The following MSRA variants were observed in gnomAD, a reference collection of about 807,000 sequenced individuals.
MSRA encodes the protein mitochondrial peptide methionine sulfoxide reductase.
In MSRA, 54 loss-of-function variants were observed where a neutral mutation model predicts 31.3. The observed-to-expected ratio is 1.73, with a 90% CI of 1.39 to 2.17. MSRA has a LOEUF of 2.17. Ranked by LOEUF, MSRA falls within the 30% of genes most tolerant of loss-of-function variation. The pLI, the probability that MSRA is intolerant of heterozygous loss-of-function variation, is 0.00. For synonymous variants in MSRA, 169 were observed against 116.5 expected (o/e 1.45, Z -2.90); for missense variants, 507 against 300.9 (o/e 1.69, Z -5.07).
At chr8:10,082,472 A>G (rs954816318) in intron 1 of MSRA, among the ~76,000 whole-genome samples, 2 of 152,180 alleles carry the variant, frequency 1.3e-5, no homozygotes, top group Admixed American at 6.5e-5. Flanking sequence ...CTAAGAAAAC[A>G]TACGTCATCT....
chr8:10,057,080 A>G (rs999547437), intron 1 of MSRA, among the ~76,000 whole-genome samples: 2 of 152,252 alleles, frequency 1.3e-5, no homozygotes, highest in Non-Finnish European at 2.9e-5. Flanking sequence ...CAAGAAGGAA[A>G]GAGTCAAACC....
At chr8:10,419,199 G>A (rs920879506) in intron 5 of MSRA, among the ~76,000 whole-genome samples, 3 of 152,096 alleles carry the variant, frequency 2.0e-5, no homozygotes, top group African/African-American at 7.2e-5. Context: ...ATCATCCCTT[G>A]CACCTCTCAC....
intron 2 of MSRA, among the ~76,000 whole-genome samples, chr8:10,211,920 AATTTC>A (rs1229023058): frequency 6.6e-6 from 1 of 152,188 alleles, no homozygotes; most frequent in Non-Finnish European, 1.5e-5. Flanking sequence ...GAAGATGGGT[AATTTC>A]ACGAGAAAAT....
At chr8:10,402,554 C>T (rs947393727) in intron 5 of MSRA, among the ~76,000 whole-genome samples, 1 of 152,240 alleles carries the variant, frequency 6.6e-6, no homozygotes, top group African/African-American at 2.4e-5. Flanking sequence ...CCACTGGAGG[C>T]AGCTGGGAGC....
At chr8:10,428,046 G>C in intron 5 of MSRA, 102 bp from the exon 6 acceptor site, 1 of 1,310,330 alleles carries the variant, frequency 7.6e-7, no homozygotes, top group Non-Finnish European at 1.0e-6. Context: ...CACATCCCAA[G>C]CCACGCGTCT....
chr8:10,276,699 T>A (rs551312184), intron 3 of MSRA, among the ~76,000 whole-genome samples: 1 of 152,344 alleles, frequency 6.6e-6, no homozygotes, highest in African/African-American at 2.4e-5. Flanking sequence ...AAGAGAAGTC[T>A]TTAATGTTTC....
chr8:10,247,144 G>A (rs1409381161), intron 3 of MSRA, among the ~76,000 whole-genome samples: 1 of 152,204 alleles, frequency 6.6e-6, no homozygotes, highest in African/African-American at 2.4e-5. Context: ...ATTGCCATGT[G>A]TTAAACTCAT....
At chr8:10,214,812 A>G (rs186840964) in intron 2 of MSRA, among the ~76,000 whole-genome samples, 174 of 152,338 alleles carry the variant, frequency 1.1e-3, no homozygotes, top group Non-Finnish European at 2.2e-3. Context: ...CATTGGAGAC[A>G]TAGTTTAAGA....
At chr8:10,108,122 A>G (rs566786397) in intron 1 of MSRA, among the ~76,000 whole-genome samples, 1 of 152,178 alleles carries the variant, frequency 6.6e-6, no homozygotes, top group African/African-American at 2.4e-5. Flanking sequence ...TCTGCAAGTG[A>G]GAGAAATATA....
intron 1 of MSRA, among the ~76,000 whole-genome samples, chr8:10,131,594 C>G (rs1801902417): frequency 1.3e-5 from 2 of 152,188 alleles, no homozygotes; most frequent in Non-Finnish European, 2.9e-5. Context: ...GTTAGGAATC[C>G]TAGTATTCAC....
intron 5 of MSRA, among the ~76,000 whole-genome samples, chr8:10,372,481 T>G (rs1179598836): frequency 1.3e-5 from 2 of 152,258 alleles, no homozygotes; most frequent in East Asian, 3.8e-4. Context: ...ATAGGGCATG[T>G]GCTGTTTTCC....
intron 1 of MSRA, among the ~76,000 whole-genome samples, chr8:10,192,351 A>G (rs1221520988): frequency 6.6e-6 from 1 of 152,196 alleles, no homozygotes; most frequent in Non-Finnish European, 1.5e-5. Context: ...GAGCCTTTCC[A>G]ACCAGTGAGC....
chr8:10,163,800 C>T (rs1804877799), intron 1 of MSRA, among the ~76,000 whole-genome samples: 1 of 152,224 alleles, frequency 6.6e-6, no homozygotes, highest in South Asian at 2.1e-4. Flanking sequence ...ACAGGCCCTA[C>T]CCAGATGGAC....
chr8:10,348,439 G>A (rs984568345), intron 5 of MSRA, among the ~76,000 whole-genome samples: 1 of 123,386 alleles, frequency 8.1e-6, no homozygotes, highest in South Asian at 2.7e-4. Context: ...GCGTGATCTC[G>A]GCTCACTGCA....
intron 5 of MSRA, among the ~76,000 whole-genome samples, chr8:10,404,164 C>T (rs1807645491): frequency 6.6e-6 from 1 of 152,124 alleles, no homozygotes; most frequent in South Asian, 2.1e-4. Flanking sequence ...GGCCCCTGGT[C>T]CACGTGGAGA....
At chr8:10,239,890 C>T (rs1435860383) in intron 2 of MSRA, among the ~76,000 whole-genome samples, 1 of 119,200 alleles carries the variant, frequency 8.4e-6, no homozygotes, top group Non-Finnish European at 2.0e-5. Flanking sequence ...GTCCTGGAGT[C>T]CGGCACCCAC....
intron 1 of MSRA, among the ~76,000 whole-genome samples, chr8:10,107,815 G>C (rs1419476599): frequency 1.3e-5 from 2 of 152,258 alleles, no homozygotes; most frequent in African/African-American, 4.8e-5. Flanking sequence ...ACTGAAAAAG[G>C]CCAGAGGAGT....
At chr8:10,160,323 G>A (rs994994355) in intron 1 of MSRA, among the ~76,000 whole-genome samples, 2 of 151,870 alleles carry the variant, frequency 1.3e-5, no homozygotes, top group Non-Finnish European at 2.9e-5. Flanking sequence ...GTTAAACTCC[G>A]TCTCTACTAA....
chr8:10,147,840 C>T (rs1197899109), intron 1 of MSRA, among the ~76,000 whole-genome samples: 6 of 152,200 alleles, frequency 3.9e-5, no homozygotes, highest in African/African-American at 9.7e-5. Context: ...GTCACTCCAG[C>T]GAGTTCACCG....
Sources: gnomAD v4.1 joint callset for allele counts (sites outside exome capture counted in the v4.1 genomes callset) on GRCh38, gnomAD v4.1.1 for gene constraint, MANE v1.5 for transcripts, NCBI Gene and HGNC (gene_info 2026-07-23, HGNC 2026-07-21) for gene names.